Variants in FAAH2 observed in about 807,000 individuals in gnomAD.
FAAH2 encodes the protein fatty acid amide hydrolase 2.
Under a neutral mutation model 36.9 loss-of-function variants are expected in FAAH2, and 60 were observed. The observed-to-expected ratio is 1.63, with a 90% CI of 1.32 to 2.02. The LOEUF is 2.02. Ranked by LOEUF, FAAH2 falls within the 30% of genes most tolerant of loss-of-function variation. The pLI is 0.00. For missense variants in FAAH2, 689 were observed against 397.5 expected (o/e 1.73, Z -6.23); for synonymous variants, 214 against 143.8 (o/e 1.49, Z -3.49).
At chrX:57,446,228 C>G (rs1410147428) in intron 8 of FAAH2, among the ~76,000 whole-genome samples, 1 of 111,989 alleles carries the variant, frequency 8.9e-6, no homozygotes, top group Non-Finnish European at 1.9e-5. Flanking sequence ...GACCATCTTT[C>G]CTACTCTCTT....
At chrX:57,251,413 C>A in the FAAH2 span, among the ~76,000 whole-genome samples, 4 of 111,572 alleles carry the variant, frequency 3.6e-5, no homozygotes. Flanking sequence ...TGGTAAAATG[C>A]TGAAAGTTTC....
chrX:57,424,450 A>G (rs1569335930), intron 7 of FAAH2, among the ~76,000 whole-genome samples: 1 of 111,978 alleles, frequency 8.9e-6, no homozygotes, highest in Non-Finnish European at 1.9e-5. Context: ...GCAACCCAAT[A>G]TAAAATCAGC....
the FAAH2 span, among the ~76,000 whole-genome samples, chrX:57,242,262 C>A: frequency 1.8e-5 from 2 of 112,434 alleles, no homozygotes; most frequent in East Asian, 5.6e-4. Context: ...GATGAAGGAG[C>A]AGGCAGCAGT....
the FAAH2 span, among the ~76,000 whole-genome samples, chrX:57,123,257 GT>G: frequency 4.5e-5 from 5 of 111,412 alleles, no homozygotes; most frequent in Non-Finnish European, 9.4e-5. Context: ...GCGGTGTTTG[GT>G]TTTTTGTCCT....
chrX:57,477,082 T>C (rs950878817), intron 10 of FAAH2, among the ~76,000 whole-genome samples: 2 of 110,990 alleles, frequency 1.8e-5, no homozygotes, highest in African/African-American at 6.5e-5. Flanking sequence ...TATTTGTTTG[T>C]TCTCTATTTT....
intron 3 of FAAH2, among the ~76,000 whole-genome samples, chrX:57,324,296 T>C (rs2053138649): frequency 8.9e-6 from 1 of 112,190 alleles, no homozygotes; most frequent in Non-Finnish European, 1.9e-5. Flanking sequence ...TTTGTTCTTT[T>C]GACTTAGGAT....
At chrX:57,432,840 T>G (rs1050541507) in intron 8 of FAAH2, among the ~76,000 whole-genome samples, 1 of 111,476 alleles carries the variant, frequency 9.0e-6, no homozygotes, top group Non-Finnish European at 1.9e-5. Flanking sequence ...TGCAGTTTAC[T>G]CATACGTAAA....
chrX:57,190,473 C>G, the FAAH2 span, among the ~76,000 whole-genome samples: 1 of 108,645 alleles, frequency 9.2e-6, no homozygotes, highest in African/African-American at 3.4e-5. Context: ...ACTTCTGCAG[C>G]TAGCTTGGTG....
At chrX:57,265,861 C>A in the FAAH2 span, among the ~76,000 whole-genome samples, 1 of 111,753 alleles carries the variant, frequency 8.9e-6, no homozygotes, top group African/African-American at 3.3e-5. Context: ...TGCTTTTTTA[C>A]GTGGTTCCCT....
chrX:57,276,503 A>T, the FAAH2 span, among the ~76,000 whole-genome samples: 1 of 111,786 alleles, frequency 8.9e-6, no homozygotes, highest in Non-Finnish European at 1.9e-5. Flanking sequence ...CTAACACCAC[A>T]GTTGAAATAA....
chrX:57,488,829 G>A lies in FAAH2; in HGVS notation c.1496G>A (p.Gly499Asp), dbSNP rs1256003838. The change falls in exon 11 of 11, where the codon GGC becomes GAC. Residue 499 changes from glycine to aspartate, a missense_variant. Gly to Asp is a moderately conservative substitution (Grantham distance 94, BLOSUM62 -1). Transcript: ENST00000374900. The part of the protein sequence containing the change: ...LGLNAKGLPL[G>D]IQVVAGPFND... ...CTGAATGCCAAAGGACTCCCTTTAG[G>A]CATCCAGGTTGTGGCTGGACCCTTT... 11 of 1,211,239 alleles carry A rather than the reference G, an allele frequency of 9.1e-6. No individual in the cohort carries two copies. Among genetic ancestry groups the A allele is most frequent in the Admixed American group, 4.4e-5 (2 of 45,910 alleles).
the FAAH2 span, among the ~76,000 whole-genome samples, chrX:57,259,792 C>T: frequency 9.0e-6 from 1 of 111,488 alleles, no homozygotes; most frequent in Admixed American, 9.6e-5. Context: ...ACATTGTATA[C>T]CTTGAATAAA....
In FAAH2 at chrX:57,447,051, A is replaced by T. The variant is rs1261243022; in HGVS notation, c.1228+12A>T. Reference sequence around the variant, plus strand: ...CATCCCTTCCATTGGTATGTAAATCATATTCTACCTAGACCAGTTTGATGT... The same window carrying T: ...CATCCCTTCCATTGGTATGTAAATCTTATTCTACCTAGACCAGTTTGATGT... On this transcript the variant is annotated intron_variant, in intron 9 of 10. Transcript: ENST00000374900. 1 of 1,121,570 alleles carries T rather than the reference A, an allele frequency of 8.9e-7. No individual in the cohort carries two copies. Among genetic ancestry groups the T allele is most frequent in the Non-Finnish European group, 1.2e-6 (1 of 823,411 alleles). The allele number at this position is 1,121,570 out of a possible 1,213,427, so 92.4% of individuals were successfully genotyped here.
the FAAH2 span, among the ~76,000 whole-genome samples, chrX:57,142,822 C>T: frequency 9.0e-6 from 1 of 111,354 alleles, no homozygotes; most frequent in Non-Finnish European, 1.9e-5. Context: ...ATTATTATAT[C>T]CTCTGCTGTA....
At chrX:57,462,614 C>A (rs775509577) in intron 10 of FAAH2, among the ~76,000 whole-genome samples, 1 of 112,348 alleles carries the variant, frequency 8.9e-6, no homozygotes, top group African/African-American at 3.2e-5. Context: ...AACACCGCTT[C>A]ATTCTAAAAA....
the FAAH2 span, chrX:57,137,271 C>T: frequency 1.3e-6 from 1 of 761,872 alleles, no homozygotes; most frequent in Non-Finnish European, 1.6e-6. Flanking sequence ...TCGATGCTGC[C>T]TCTGCTGTGA....
chrX:57,374,434 G>A (rs2054620864), intron 5 of FAAH2, among the ~76,000 whole-genome samples: 1 of 111,522 alleles, frequency 9.0e-6, no homozygotes, highest in Non-Finnish European at 1.9e-5. Flanking sequence ...CACCTCCCGG[G>A]TTAGGTATAT....
At chrX:57,411,507 G>T (rs771184518) in intron 7 of FAAH2, among the ~76,000 whole-genome samples, 2 of 111,517 alleles carry the variant, frequency 1.8e-5, no homozygotes, top group South Asian at 7.8e-4. Context: ...TTTCTTGGTG[G>T]AGTCCATGTA....
the FAAH2 span, among the ~76,000 whole-genome samples, chrX:57,210,594 G>A: frequency 8.9e-6 from 1 of 112,207 alleles, no homozygotes; most frequent in South Asian, 3.7e-4. Context: ...GGGAATAGAA[G>A]GGATCTTACT....
Sources: allele counts gnomAD v4.1 joint callset (sites outside exome capture counted in the v4.1 genomes callset), GRCh38; gene constraint gnomAD v4.1.1; transcripts MANE v1.5; gene names NCBI Gene and HGNC (gene_info 2026-07-23, HGNC 2026-07-21).